SIK3: variants seen among roughly 807,000 people sequenced by gnomAD.
SIK3 encodes the protein SIK family kinase 3.
SIK3 carries 28 observed loss-of-function variants against 144.2 expected under a neutral mutation model. The observed-to-expected ratio is 0.19, with a 90% CI of 0.14 to 0.27. The LOEUF (loss-of-function observed/expected upper bound fraction) is 0.27, where lower values mean the gene tolerates loss of function less well. SIK3 is among the 10% of genes least tolerant of loss of function. The probability of loss-of-function intolerance (pLI) is 1.00; values close to 1 mark genes in which losing one functional copy is unlikely to be tolerated. For synonymous variants in SIK3, 686 were observed against 676.3 expected, an observed-to-expected ratio of 1.01 and a Z score of -0.22; for missense variants, 1,319 against 1,776.0, an observed-to-expected ratio of 0.74 and a Z score of 4.62.
chr11:116,878,396 T>TA (rs1424176733), intron 6 of SIK3, among the ~76,000 whole-genome samples: 1 of 138,778 alleles, frequency 7.2e-6, no homozygotes, highest in Non-Finnish European at 1.6e-5. Context: ...TTTTTTTTTT[T>TA]TACATAGAGT....
At chr11:117,080,235 T>C (rs1425184090) in intron 1 of SIK3, among the ~76,000 whole-genome samples, 2 of 152,162 alleles carry the variant, frequency 1.3e-5, no homozygotes, top group Admixed American at 1.3e-4. Context: ...AAAAGGCTAT[T>C]TGCCAGGGTT....
chr11:116,948,884 G>T (rs1948797803), intron 3 of SIK3, among the ~76,000 whole-genome samples: 1 of 151,480 alleles, frequency 6.6e-6, no homozygotes, highest in African/African-American at 2.4e-5. Flanking sequence ...TATTATAGCA[G>T]AAATTATGAA....
At chr11:116,888,927 C>T (rs944228565) in intron 6 of SIK3, among the ~76,000 whole-genome samples, 1 of 152,162 alleles carries the variant, frequency 6.6e-6, no homozygotes, top group Non-Finnish European at 1.5e-5. Context: ...CTAGGACCCC[C>T]TATCTGAAGC....
chr11:116,856,881 G>A (rs1942968760), intron 21 of SIK3: 1 of 152,240 alleles, frequency 6.6e-6, no homozygotes. Context: ...GTTCCGGGGA[G>A]GGAAGGATGG....
intron 1 of SIK3, among the ~76,000 whole-genome samples, chr11:117,088,214 G>T (rs1385298858): frequency 6.6e-6 from 1 of 152,150 alleles, no homozygotes; most frequent in Admixed American, 6.5e-5. Context: ...TCCAGCCTTA[G>T]GTGACAAAGC....
intron 1 of SIK3, among the ~76,000 whole-genome samples, chr11:116,962,554 T>C (rs1949387752): frequency 6.6e-6 from 1 of 152,224 alleles, no homozygotes; most frequent in Non-Finnish European, 1.5e-5. Flanking sequence ...TAAGCTTTTT[T>C]CAATGGGGTT....
At chr11:116,941,167 C>T (rs1020630695) in intron 3 of SIK3, among the ~76,000 whole-genome samples, 3 of 152,062 alleles carry the variant, frequency 2.0e-5, no homozygotes, top group Admixed American at 6.5e-5. Context: ...CCACCATGCT[C>T]GGCTAATTTT....
chr11:116,941,313 C>G (rs473188), intron 3 of SIK3, among the ~76,000 whole-genome samples: 126,078 of 151,984 alleles, frequency 0.83, 52,916 homozygotes, highest in Non-Finnish European at 0.89. Flanking sequence ...GCCGAAAATA[C>G]CTTTTTTAAT....
At chr11:117,041,754 T>C (rs1184239646) in intron 1 of SIK3, among the ~76,000 whole-genome samples, 1 of 152,214 alleles carries the variant, frequency 6.6e-6, no homozygotes, top group Admixed American at 6.5e-5. Flanking sequence ...TGCTTTGTTT[T>C]CTACCTGGCA....
chr11:116,913,969 T>C (rs1375167565), intron 4 of SIK3, among the ~76,000 whole-genome samples: 1 of 151,742 alleles, frequency 6.6e-6, no homozygotes, highest in Non-Finnish European at 1.5e-5. Context: ...AACTAAGACA[T>C]ATGGTCTGAT....
Position 116,849,382 on chromosome 11 carries a change from C to CT in SIK3, c.3656-100dup. 7.1e-7 allele frequency: 1 copy of CT among 1,402,808 alleles called. No individual in the cohort carries two copies. The allele number at this position is 1,402,808 out of a possible 1,614,324, so 86.9% of individuals were successfully genotyped here. Reference sequence around the variant, plus strand: ...GTCTTGCAAGGGACAATGGGCAAGGCTGAGGAGATCATGTACACCAACCGC... The same window carrying CT: ...GTCTTGCAAGGGACAATGGGCAAGGCTTGAGGAGATCATGTACACCAACCGC... On this transcript the variant is annotated intron_variant, in intron 21 of 24. Transcript: ENST00000445177. This position sits in a 1 kb window ranked among gnomAD's most constrained non-coding sequence, Gnocchi z 4.2.
intron 1 of SIK3, among the ~76,000 whole-genome samples, chr11:117,048,395 G>GC (rs754204171): frequency 2.6e-5 from 4 of 151,988 alleles, no homozygotes; most frequent in Admixed American, 1.3e-4. Flanking sequence ...GGTGGCTCAC[G>GC]CCTGTAATCC....
Position 116,870,180 on chromosome 11 carries a change from G to A in SIK3, c.1808+151C>T, listed in dbSNP as rs574102067. The A allele has an allele frequency of 1.6e-5, 24 of 1,541,098 alleles. No individual in the cohort carries two copies. In the South Asian group the frequency reaches 1.8e-4, roughly 12 times the overall value. On this transcript the variant is annotated intron_variant, in intron 14 of 24. Transcript: ENST00000445177. ...CTGGGTAGTCTTCTGTTACTTCCAT[G>A]TGGGGTGGAACATGCCATCTGGCTT... is the stretch of plus-strand genomic sequence containing the variant.
intron 6 of SIK3, among the ~76,000 whole-genome samples, chr11:116,886,882 T>C (rs1281083204): frequency 1.3e-5 from 2 of 152,202 alleles, no homozygotes; most frequent in Non-Finnish European, 2.9e-5. Flanking sequence ...CCACAACAGC[T>C]CAAGAAAACA....
chr11:116,999,878 C>T (rs1225253168), intron 1 of SIK3, among the ~76,000 whole-genome samples: 1 of 152,192 alleles, frequency 6.6e-6, no homozygotes, highest in Non-Finnish European at 1.5e-5. Flanking sequence ...GTTGTTGATA[C>T]ATTATTGAGA....
intron 1 of SIK3, among the ~76,000 whole-genome samples, chr11:117,001,122 C>T (rs1324002075): frequency 6.6e-6 from 1 of 152,242 alleles, no homozygotes; most frequent in African/African-American, 2.4e-5. Flanking sequence ...GCACGGAAAC[C>T]TTCCTCTTCT....
At chr11:117,040,737 T>C (rs1952702477) in intron 1 of SIK3, among the ~76,000 whole-genome samples, 1 of 152,194 alleles carries the variant, frequency 6.6e-6, no homozygotes, top group Non-Finnish European at 1.5e-5. Flanking sequence ...CCTGGGAATG[T>C]AGATAAGATT....
chr11:116,904,520 CA>C (rs1565433402), intron 4 of SIK3, among the ~76,000 whole-genome samples: 1 of 151,832 alleles, frequency 6.6e-6, no homozygotes, highest in East Asian at 1.9e-4. Flanking sequence ...ACTTCAGATA[CA>C]AAAAAACTTG....
At chr11:116,991,945 C>T (rs11216218) in intron 1 of SIK3, among the ~76,000 whole-genome samples, 11,019 of 152,150 alleles carry the variant, frequency 0.072, 491 homozygotes, top group Middle Eastern at 0.11. Flanking sequence ...TATACATATA[C>T]ACCCATACAC....
Sources: gnomAD v4.1 joint callset for allele counts (sites outside exome capture counted in the v4.1 genomes callset) on GRCh38, gnomAD v4.1.1 for gene constraint, Gnocchi (gnomAD v3.1) non-coding constraint, MANE v1.5 for transcripts, NCBI Gene and HGNC (gene_info 2026-07-23, HGNC 2026-07-21) for gene names.